Variants in TRIM24 observed in about 807,000 individuals in gnomAD.
TRIM24 encodes transcription intermediary factor 1-alpha.
A neutral mutation model predicts 123.9 loss-of-function variants in TRIM24; 29 were observed. The observed-to-expected ratio is 0.23, with a 90% CI of 0.17 to 0.32. The LOEUF (loss-of-function observed/expected upper bound fraction) is 0.32, where lower values mean the gene tolerates loss of function less well. Among genes scored for constraint, TRIM24 ranks in the 10% least tolerant of loss-of-function variants. TRIM24 has a pLI of 1.00. For synonymous variants in TRIM24, 456 were observed against 461.1 expected, an observed-to-expected ratio of 0.99 and a Z score of 0.14; for missense variants, 932 against 1,295.3, an observed-to-expected ratio of 0.72 and a Z score of 4.31.
intron 17 of TRIM24, 111 bp from the exon 18 acceptor site, chr7:138,583,739 A>G: frequency 2.5e-6 from 2 of 815,506 alleles, no homozygotes; most frequent in Non-Finnish European, 3.7e-6. Flanking sequence ...GGCAAATAGC[A>G]CAGAGAAAAG....
In TRIM24 at chr7:138,577,434, G is replaced by C; in HGVS notation, c.2102G>C (p.Ser701Thr). 6.4e-7 allele frequency: 1 copy of C among 1,573,792 alleles called. No individual in the cohort carries two copies. The highest frequency in any genetic ancestry group is 8.6e-7 in the Non-Finnish European group (1 of 1,162,794). ...CATACTTACAGCTCTGGCTCTTCCAGCAAACCAGCAGGAGCTGACTCTACA... is the reference window on the plus strand; with the variant it reads ...CATACTTACAGCTCTGGCTCTTCCACCAAACCAGCAGGAGCTGACTCTACA... ...VGSRGSSGSSSKPAGADSTHK... is the reference protein window; with the variant it reads ...VGSRGSSGSSTKPAGADSTHK... The change falls in exon 14 of 19, where the codon AGC becomes ACC. Residue 701 changes from serine to threonine, a missense_variant. Around this residue, in one of 7 missense-constraint regions of TRIM24, gnomAD observed 527 missense variants for 691.3 expected, o/e 0.76. Transcript: ENST00000343526.
rs573796179 is a variant in TRIM24, at chr7:138,535,874, T to A, written c.997-2783T>A. ...ACACCAATCAGACATAGATTTGGTC[T>A]TTTCACATAGTCCCATATTTCTTGG... is the stretch of plus-strand genomic sequence containing the variant. On this transcript the variant is annotated intron_variant, in intron 6 of 18. Coordinates refer to ENST00000343526, the MANE Select transcript of TRIM24 (RefSeq NM_015905.3). Among the ~76,000 whole-genome samples the A allele has an allele frequency of 9.8e-5, 15 of 152,328 alleles. No individual in the cohort carries two copies. In the East Asian group the frequency reaches 2.7e-3, roughly 27 times the overall value.
intron 7 of TRIM24, chr7:138,545,577 C>T: frequency 4.4e-6 from 2 of 454,896 alleles, no homozygotes; most frequent in Non-Finnish European, 8.8e-6. Context: ...TTCTTGGACT[C>T]AGATCTAGCA....
chr7:138,463,952 A>G (rs1052166658), intron 1 of TRIM24, among the ~76,000 whole-genome samples: 1 of 142,800 alleles, frequency 7.0e-6, no homozygotes, highest in Non-Finnish European at 1.5e-5. Flanking sequence ...CTCTCCTTGC[A>G]TACTTATTTT....
At chr7:138,468,762 G>A (rs950386985) in intron 1 of TRIM24, among the ~76,000 whole-genome samples, 1 of 152,096 alleles carries the variant, frequency 6.6e-6, no homozygotes, top group Non-Finnish European at 1.5e-5. Context: ...CTGCACATGC[G>A]TAGTAGCCTT....
chr7:138,572,582 A>G (rs1331684791), intron 11 of TRIM24, among the ~76,000 whole-genome samples: 1 of 152,028 alleles, frequency 6.6e-6, no homozygotes, highest in Non-Finnish European at 1.5e-5. Flanking sequence ...CTGTTTTCTC[A>G]TTCCTCCCAA....
At chr7:138,581,253 C>T (rs551917197) in intron 16 of TRIM24, among the ~76,000 whole-genome samples, 52 of 152,298 alleles carry the variant, frequency 3.4e-4, no homozygotes, top group Middle Eastern at 3.4e-3. Flanking sequence ...GCCAGTACTA[C>T]TCAGTGGTTA....
chr7:138,519,396 T>C, intron 4 of TRIM24, 75 bp downstream of exon 4: 1 of 1,491,570 alleles, frequency 6.7e-7, no homozygotes, highest in Middle Eastern at 2.5e-4. Context: ...CCAACCCTCA[T>C]CAAATGGCAG....
chr7:138,474,683 T>C (rs891947927), intron 1 of TRIM24, among the ~76,000 whole-genome samples: 1 of 152,198 alleles, frequency 6.6e-6, no homozygotes, highest in Non-Finnish European at 1.5e-5. Flanking sequence ...GATATGCAGT[T>C]TTTCTAGCAT....
intron 1 of TRIM24, among the ~76,000 whole-genome samples, chr7:138,474,487 C>T (rs1005449982): frequency 1.3e-4 from 20 of 152,230 alleles, no homozygotes; most frequent in African/African-American, 4.8e-4. Context: ...TGGTGAAATC[C>T]AGTTTATCTT....
intron 1 of TRIM24, among the ~76,000 whole-genome samples, chr7:138,483,207 A>G (rs1232543027): frequency 5.9e-5 from 9 of 151,542 alleles, no homozygotes; most frequent in Admixed American, 5.3e-4. Context: ...AAGTGCTGGG[A>G]TCCTAGGCAT....
At chr7:138,470,366 C>T (rs1314809942) in intron 1 of TRIM24, among the ~76,000 whole-genome samples, 1 of 152,028 alleles carries the variant, frequency 6.6e-6, no homozygotes, top group East Asian at 1.9e-4. Flanking sequence ...CTTGATCTGC[C>T]CACCTCGGCC....
At chr7:138,501,405 AT>A (rs1379166597) in intron 1 of TRIM24, among the ~76,000 whole-genome samples, 4 of 151,912 alleles carry the variant, frequency 2.6e-5, no homozygotes, top group Admixed American at 2.0e-4. Flanking sequence ...CAATTTGTGT[AT>A]TTTTAGTAGA....
chr7:138,466,028 G>T (rs1203501423), intron 1 of TRIM24, among the ~76,000 whole-genome samples: 1 of 152,164 alleles, frequency 6.6e-6, no homozygotes, highest in Non-Finnish European at 1.5e-5. Context: ...TTTTGAGACG[G>T]AGTCTCACTC....
Position 138,586,607 on chromosome 7 carries a change from T to A in TRIM24, c.*1656T>A, listed in dbSNP as rs1434336263. The A allele has an allele frequency of 1.3e-5, 2 of 152,248 alleles. No homozygotes were observed. The highest frequency in any genetic ancestry group is 2.9e-5 in the Non-Finnish European group (2 of 68,034). 9.4% of individuals were successfully genotyped at this position (152,248 alleles called of 1,614,324 possible). A position where few individuals can be genotyped will look rare whatever the true frequency, so the allele number is the denominator to read the frequency against. On this transcript the variant is annotated 3_prime_UTR_variant, in exon 19 of 19. Transcript: ENST00000343526. The stretch of plus-strand genomic sequence containing the variant: ...TTTTCAAATATGTGTTACATGGTAA[T>A]GTTTGTCATTGTTGTTTTAAAGTTG...
Position 138,586,007 on chromosome 7 carries a change from T to G in TRIM24, c.*1056T>G. 2.2e-6 allele frequency: 1 copy of G among 455,140 alleles called. No individual in the cohort carries two copies. The highest frequency in any genetic ancestry group is 1.6e-5 in the South Asian group (1 of 62,016). 28.2% of individuals were successfully genotyped at this position (455,140 alleles called of 1,614,324 possible). Reference sequence around the variant, plus strand: ...GGGGGGAATTAATAGTGATTTTTTTTTTTTCCTGAAGCATCTATCTCATGT... The same window carrying G: ...GGGGGGAATTAATAGTGATTTTTTTGTTTTCCTGAAGCATCTATCTCATGT... On this transcript the variant is annotated 3_prime_UTR_variant, in exon 19 of 19. Coordinates refer to ENST00000343526, the MANE Select transcript of TRIM24 (RefSeq NM_015905.3).
intron 2 of TRIM24, among the ~76,000 whole-genome samples, chr7:138,509,974 G>A (rs1003079239): frequency 6.6e-6 from 1 of 152,192 alleles, no homozygotes; most frequent in African/African-American, 2.4e-5. Flanking sequence ...CTTCTGACGG[G>A]CAGAAGTAGT....
At chr7:138,529,619 C>T (rs1437558988) in intron 6 of TRIM24, among the ~76,000 whole-genome samples, 1 of 152,130 alleles carries the variant, frequency 6.6e-6, no homozygotes, top group African/African-American at 2.4e-5. Context: ...ATATATTTAA[C>T]CCTGTGAGAA....
intron 13 of TRIM24, 34 bp downstream of exon 13, chr7:138,576,479 A>G: frequency 6.3e-7 from 1 of 1,580,400 alleles, no homozygotes; most frequent in Non-Finnish European, 8.7e-7. Context: ...CTAGTATATA[A>G]AAATCTCTAA....
Sources: gnomAD v4.1 joint callset for allele counts (sites outside exome capture counted in the v4.1 genomes callset) on GRCh38, gnomAD v4.1.1 for gene constraint, gnomAD v4.1.1 regional missense constraint, MANE v1.5 for transcripts, NCBI Gene and HGNC (gene_info 2026-07-23, HGNC 2026-07-21) for gene names.